ENOX1: variants seen among roughly 807,000 people sequenced by gnomAD.
The protein encoded by ENOX1 is ecto-NOX disulfide-thiol exchanger 1, also known as candidate growth-related and time keeping constitutive hydroquinone (NADH) oxidase.
ENOX1 carries 42 observed loss-of-function variants against 82.5 expected under a neutral mutation model. The observed-to-expected ratio is 0.51, with a 90% CI of 0.40 to 0.66. The LOEUF is 0.66. Ranked by LOEUF, ENOX1 falls within the 30% of genes least tolerant of loss-of-function variation. ENOX1 has a pLI of 0.00. For missense variants in ENOX1, 608 were observed against 811.6 expected, an observed-to-expected ratio of 0.75 and a Z score of 3.05; for synonymous variants, 271 against 282.2, an observed-to-expected ratio of 0.96 and a Z score of 0.40.
intron 11 of ENOX1, among the ~76,000 whole-genome samples, chr13:43,306,089 A>G (rs1436529900): frequency 6.6e-6 from 1 of 152,174 alleles, no homozygotes; most frequent in Admixed American, 6.5e-5. Flanking sequence ...CAAATAAGGG[A>G]GAGAAGGCTT....
At chr13:43,344,984 A>G (rs1441760185) in intron 8 of ENOX1, among the ~76,000 whole-genome samples, 2 of 152,204 alleles carry the variant, frequency 1.3e-5, no homozygotes, top group African/African-American at 4.8e-5. Flanking sequence ...TACCAACTCC[A>G]TGAGCTCAGC....
At chr13:43,414,786 C>T (rs529744424) in intron 3 of ENOX1, among the ~76,000 whole-genome samples, 1 of 152,328 alleles carries the variant, frequency 6.6e-6, no homozygotes, top group African/African-American at 2.4e-5. Context: ...TCAGATTCTT[C>T]CCAAATGGGC....
chr13:43,637,130 G>C (rs1413605326), intron 2 of ENOX1, among the ~76,000 whole-genome samples: 1 of 152,144 alleles, frequency 6.6e-6, no homozygotes, highest in African/African-American at 2.4e-5. Context: ...GGAGAAAACT[G>C]TACCTTTCAA....
intron 14 of ENOX1, among the ~76,000 whole-genome samples, chr13:43,248,516 C>A (rs910843909): frequency 6.6e-6 from 1 of 152,050 alleles, no homozygotes; most frequent in African/African-American, 2.4e-5. Flanking sequence ...TCATTTGTAT[C>A]TATTATCAAT....
intron 1 of ENOX1, among the ~76,000 whole-genome samples, chr13:43,690,470 G>T (rs972532570): frequency 6.6e-6 from 1 of 152,056 alleles, no homozygotes; most frequent in Non-Finnish European, 1.5e-5. Flanking sequence ...CTTACTTAAT[G>T]ACACCCAGTT....
intron 2 of ENOX1, among the ~76,000 whole-genome samples, chr13:43,590,304 T>C (rs2081186811): frequency 7.0e-6 from 1 of 142,460 alleles, no homozygotes; most frequent in Non-Finnish European, 1.5e-5. Context: ...GATTGCAGCA[T>C]AGAGTGACAA....
intron 12 of ENOX1, among the ~76,000 whole-genome samples, chr13:43,279,767 G>A (rs181342411): frequency 2.6e-5 from 4 of 152,330 alleles, no homozygotes; most frequent in East Asian, 1.9e-4. Flanking sequence ...GAGGTGAAGT[G>A]ACATTTAAGT....
At chr13:43,515,342 T>C (rs1301551665) in intron 2 of ENOX1, among the ~76,000 whole-genome samples, 1 of 152,116 alleles carries the variant, frequency 6.6e-6, no homozygotes, top group Non-Finnish European at 1.5e-5. Context: ...TTTAATGAGG[T>C]CCCTAGGTAA....
intron 2 of ENOX1, among the ~76,000 whole-genome samples, chr13:43,541,800 C>T (rs972839047): frequency 6.6e-6 from 1 of 152,108 alleles, no homozygotes; most frequent in Non-Finnish European, 1.5e-5. Flanking sequence ...ATAATAATGT[C>T]AAATCATTAT....
chr13:43,358,231 G>A (rs2050270456), intron 7 of ENOX1, among the ~76,000 whole-genome samples: 1 of 152,134 alleles, frequency 6.6e-6, no homozygotes, highest in Non-Finnish European at 1.5e-5. Context: ...GTGTTGAAAA[G>A]GGCCTCTGAT....
At chr13:43,539,831 T>A (rs2078631696) in intron 2 of ENOX1, among the ~76,000 whole-genome samples, 1 of 152,168 alleles carries the variant, frequency 6.6e-6, no homozygotes, top group Non-Finnish European at 1.5e-5. Flanking sequence ...CTAAATAGTT[T>A]ATATTATTAA....
At chr13:43,277,558 C>A (rs2045124076) in intron 12 of ENOX1, among the ~76,000 whole-genome samples, 1 of 152,206 alleles carries the variant, frequency 6.6e-6, no homozygotes. Context: ...AAGGACCCTG[C>A]TGCACCCTGA....
intron 2 of ENOX1, among the ~76,000 whole-genome samples, chr13:43,542,548 G>A (rs1427145200): frequency 1.3e-5 from 2 of 151,582 alleles, no homozygotes; most frequent in Non-Finnish European, 2.9e-5. Context: ...CAATTCTCAG[G>A]CCTCAGCCTC....
chr13:43,343,222 A>G (rs1372855865), intron 9 of ENOX1, among the ~76,000 whole-genome samples: 1 of 152,182 alleles, frequency 6.6e-6, no homozygotes, highest in Non-Finnish European at 1.5e-5. Flanking sequence ...CCTTCCCTCC[A>G]TCCACTGATC....
chr13:43,247,856 TATATATATA>T lies in ENOX1; in HGVS notation c.1612-11127_1612-11119del, dbSNP rs2043187553. On this transcript the variant is annotated intron_variant, in intron 14 of 16. Transcript: ENST00000690772. ...ATATATATATATATATATATATATA[TATATATATA>T]TATATATATATATATATATTTTTTT... 6.5e-3 allele frequency among the ~76,000 whole-genome samples: 28 copies of T among 4,334 alleles called. 1 individual carries two copies. Among genetic ancestry groups the T allele is most frequent in the Non-Finnish European group, 0.012 (22 of 1,790 alleles). The allele number at this position is 4,334 out of a possible 152,430, so 2.8% of individuals were successfully genotyped here.
chr13:43,582,775 T>C (rs146772550), intron 2 of ENOX1, among the ~76,000 whole-genome samples: 39 of 152,292 alleles, frequency 2.6e-4, no homozygotes, highest in Non-Finnish European at 7.4e-5. Flanking sequence ...GGGGTCTTGC[T>C]ATGTTGCCTA....
chr13:43,479,516 G>A (rs1335169053), intron 3 of ENOX1, among the ~76,000 whole-genome samples: 1 of 152,034 alleles, frequency 6.6e-6, no homozygotes, highest in Non-Finnish European at 1.5e-5. Flanking sequence ...TTCCTGTACT[G>A]AGTTCTAATA....
chr13:43,335,525 G>A lies in ENOX1; in HGVS notation c.1037-9000C>T, dbSNP rs190455601. Among the ~76,000 whole-genome samples the A allele has an allele frequency of 4.3e-4, 65 of 152,140 alleles. 1 individual carries two copies. The highest frequency in any genetic ancestry group is 1.3e-3 in the African/African-American group (52 of 41,508). On this transcript the variant is annotated intron_variant, in intron 9 of 16. Transcript: ENST00000690772. ...TCCCCTCGCCTGATGTGGGGCAGTG[G>A]CTAGAGTCCAGTCCTAGACCTGGGC...
chr13:43,272,062 T>C (rs2044717576), intron 12 of ENOX1, among the ~76,000 whole-genome samples: 2 of 152,216 alleles, frequency 1.3e-5, no homozygotes, highest in Non-Finnish European at 2.9e-5. Flanking sequence ...AAGGAAACTT[T>C]GAAATTCCCT....
Sources: gnomAD v4.1 joint callset for allele counts (sites outside exome capture counted in the v4.1 genomes callset) on GRCh38, gnomAD v4.1.1 for gene constraint, MANE v1.5 for transcripts, NCBI Gene and HGNC (gene_info 2026-07-23, HGNC 2026-07-21) for gene names.